SH3TC1: variants seen among roughly 807,000 people sequenced by gnomAD.
SH3TC1 encodes the protein SH3 domain and tetratricopeptide repeats 1.
A neutral mutation model predicts 117.3 loss-of-function variants in SH3TC1; 135 were observed. The observed-to-expected ratio is 1.15, with a 90% CI of 1.00 to 1.33. The LOEUF is 1.33. Ranked by LOEUF, SH3TC1 falls within the 40% of genes most tolerant of loss-of-function variation. The pLI, the probability that SH3TC1 is intolerant of heterozygous loss-of-function variation, is 0.00. For missense variants in SH3TC1, 2,092 were observed against 1,794.3 expected (o/e 1.17, Z -3.00); for synonymous variants, 898 against 816.9 (o/e 1.10, Z -1.69).
rs1352250606 is a variant in SH3TC1, at chr4:8,227,314, T to C, written c.1620T>C (p.Thr540=). The change falls in exon 12 of 18, where the codon ACT becomes ACC. Residue 540 remains threonine (T), a synonymous_variant. Transcript: ENST00000245105. ...FRSFSDEEEL[T]GRLAQARGAA... is the part of the protein sequence containing the mutation. ...GCTTCAGCGACGAGGAGGAGCTGAC[T>C]GGGCGCCTGGCACAGGCCCGGGGGG... The C allele has an allele frequency of 6.2e-7, 1 of 1,610,174 alleles. No individual in the cohort carries two copies. Among genetic ancestry groups the C allele is most frequent in the Non-Finnish European group, 8.5e-7 (1 of 1,179,024 alleles).
intron 4 of SH3TC1, chr4:8,213,141 G>T: frequency 2.7e-6 from 1 of 376,370 alleles, no homozygotes; most frequent in East Asian, 5.2e-5. Flanking sequence ...CTCTTTGATG[G>T]GGAGTTAAGG....
At chr4:8,235,807 TGTCCC>T (rs1399958332) in intron 15 of SH3TC1, 9 of 414,522 alleles carry the variant, frequency 2.2e-5, no homozygotes, top group Non-Finnish European at 3.4e-5. Context: ...TGGGAAGTCC[TGTCCC>T]CATCTTACAG....
rs1719477627 is a variant in SH3TC1, at chr4:8,218,098, C to G, written c.840-173C>G. 20 of 479,884 alleles carry G rather than the reference C, an allele frequency of 4.2e-5. No individual in the cohort carries two copies. The South Asian group carries it at 7.5e-4, about 18-fold the overall frequency. 29.7% of individuals were successfully genotyped at this position (479,884 alleles called of 1,614,324 possible). On this transcript the variant is annotated intron_variant, in intron 7 of 17. Coordinates refer to ENST00000245105, the MANE Select transcript of SH3TC1 (RefSeq NM_018986.5). Reference sequence around the variant, plus strand: ...GTGCCACACGCACGGGGCCTGAAGGCCACACACCTGGGCAGGCATGTGTGT... The same window carrying G: ...GTGCCACACGCACGGGGCCTGAAGGGCACACACCTGGGCAGGCATGTGTGT...
chr4:8,208,369 C>CTTTTTTTTTTTTTTT, intron 2 of SH3TC1, among the ~76,000 whole-genome samples: 1 of 140,732 alleles, frequency 7.1e-6, no homozygotes, highest in Non-Finnish European at 1.5e-5. Context: ...ACATTTCTTT[C>CTTTTTTTTTTTTTTT]TTTTTTTTTA....
chr4:8,185,282 G>A (rs1354008000), intron 1 of SH3TC1, among the ~76,000 whole-genome samples: 1 of 151,992 alleles, frequency 6.6e-6, no homozygotes, highest in Non-Finnish European at 1.5e-5. Context: ...GTTGTGGGGA[G>A]CCGAGATTGA....
intron 1 of SH3TC1, among the ~76,000 whole-genome samples, chr4:8,184,675 G>A (rs978471011): frequency 1.3e-5 from 2 of 152,136 alleles, no homozygotes; most frequent in Non-Finnish European, 2.9e-5. Flanking sequence ...CACTGTGGCC[G>A]GCTGGAAAGC....
chr4:8,233,265 T>G, intron 13 of SH3TC1, 98 bp from the exon 14 acceptor site: 2 of 1,497,514 alleles, frequency 1.3e-6, no homozygotes, highest in African/African-American at 1.4e-5. Flanking sequence ...CCGTTCCCAG[T>G]CCCATTCCAG....
At chr4:8,232,891 A>AT in intron 13 of SH3TC1, 2 of 1,215,844 alleles carry the variant, frequency 1.6e-6, no homozygotes, top group Non-Finnish European at 2.1e-6. Context: ...AGCAGCATCC[A>AT]TGTCACCTAG....
chr4:8,202,079 G>T (rs1409886951), intron 1 of SH3TC1, among the ~76,000 whole-genome samples: 2 of 152,212 alleles, frequency 1.3e-5, no homozygotes, highest in African/African-American at 4.8e-5. Context: ...GCCTCCATGT[G>T]CTTCCGGAGA....
intron 1 of SH3TC1, among the ~76,000 whole-genome samples, chr4:8,189,033 C>A (rs1717325991): frequency 6.6e-6 from 1 of 152,266 alleles, no homozygotes; most frequent in Non-Finnish European, 1.5e-5. Context: ...TTCCCTCCCA[C>A]CCAGCTGCCC....
At chr4:8,193,124 C>T (rs1348235254) in intron 1 of SH3TC1, among the ~76,000 whole-genome samples, 3 of 152,236 alleles carry the variant, frequency 2.0e-5, no homozygotes, top group Non-Finnish European at 4.4e-5. Flanking sequence ...TGATGGCTGG[C>T]AAAGCCAAAT....
rs58753240 is a variant in SH3TC1 at position 8,206,832 on chromosome 4, CGTGTGTGT to C, written c.172+1496_172+1503del. On this transcript the variant is annotated intron_variant, in intron 2 of 17. Transcript: ENST00000245105. This position sits in a 1 kb window ranked among gnomAD's most constrained non-coding sequence, Gnocchi z 5.5. The stretch of plus-strand genomic sequence containing the variant: ...AGGACTTTTACTTTGTGTGTGTACT[CGTGTGTGT>C]GTGTGTGTGTGTGTGTGTGTGTGTG... Among the ~76,000 whole-genome samples the C allele has an allele frequency of 1.5e-4, 21 of 144,666 alleles. No individual in the cohort carries two copies. The highest frequency in any genetic ancestry group is 2.0e-4 in the Non-Finnish European group (13 of 65,598). 94.9% of individuals were successfully genotyped at this position (144,666 alleles called of 152,430 possible).
chr4:8,189,960 G>A (rs372999635), intron 1 of SH3TC1, among the ~76,000 whole-genome samples: 3 of 152,350 alleles, frequency 2.0e-5, no homozygotes, highest in Admixed American at 6.5e-5. Context: ...AGGGAGCCGG[G>A]AAGGGACTGC....
chr4:8,208,809 C>A (rs142729937), intron 2 of SH3TC1, among the ~76,000 whole-genome samples: 1 of 152,226 alleles, frequency 6.6e-6, no homozygotes, highest in Admixed American at 6.5e-5. Flanking sequence ...GAACACCGTC[C>A]CAATGCAAGG....
At chr4:8,233,175 T>C (rs1316677678) in intron 13 of SH3TC1, 188 bp from the exon 14 acceptor site, 2 of 1,399,194 alleles carry the variant, frequency 1.4e-6, no homozygotes, top group Non-Finnish European at 1.8e-6. Context: ...AGGATGTCCT[T>C]CGTCTTTTCC....
intron 1 of SH3TC1, among the ~76,000 whole-genome samples, chr4:8,185,587 A>C (rs1025128405): frequency 6.6e-6 from 1 of 152,188 alleles, no homozygotes; most frequent in Non-Finnish European, 1.5e-5. Flanking sequence ...AATGGAGCAG[A>C]CACTCTGAAG....
rs753772918 is a variant in SH3TC1 at position 8,205,332 on chromosome 4, G to A, written c.138G>A (p.Ala46=). ...GGCCCTCTGTGAGCTGGGAGAAAGC[G>A]GGGCCCGAGGAGGCCAAGGCGCCAG... The part of the protein sequence containing the change: ...VMRPSVSWEK[A]GPEEAKAPVR... The change falls in exon 2 of 18, where the codon GCG becomes GCA. Residue 46 remains alanine (A), a synonymous_variant. Coordinates refer to ENST00000245105, the MANE Select transcript of SH3TC1 (RefSeq NM_018986.5). This position sits in a 1 kb window ranked among gnomAD's most constrained non-coding sequence, Gnocchi z 5.4. 2.0e-5 allele frequency: 31 copies of A among 1,549,632 alleles called. No homozygotes were observed. The Middle Eastern group carries it at 2.5e-3, about 123-fold the overall frequency.
chr4:8,210,455 G>C lies in SH3TC1; in HGVS notation c.247+633G>C, dbSNP rs1718563334. Among the ~76,000 whole-genome samples, 1 of 152,226 alleles carries C rather than the reference G, an allele frequency of 6.6e-6. No individual in the cohort carries two copies. The highest frequency in any genetic ancestry group is 2.1e-4 in the South Asian group (1 of 4,838). On this transcript the variant is annotated intron_variant, in intron 3 of 17. Coordinates refer to ENST00000245105, the MANE Select transcript of SH3TC1 (RefSeq NM_018986.5). This position sits in a 1 kb window ranked among gnomAD's most constrained non-coding sequence, Gnocchi z 4.1. ...CACTCGGGATGACCAGGACGCATTAGGCAATAGGACCGTTATTTAGAATTT... is the reference window on the plus strand; with the variant it reads ...CACTCGGGATGACCAGGACGCATTACGCAATAGGACCGTTATTTAGAATTT...
intron 1 of SH3TC1, among the ~76,000 whole-genome samples, chr4:8,200,839 G>A (rs114399815): frequency 0.019 from 2,861 of 152,274 alleles, 53 homozygotes; most frequent in African/African-American, 0.053. Context: ...TCCACTCTCC[G>A]CCCTGGTGGT....
Sources: allele counts gnomAD v4.1 joint callset (sites outside exome capture counted in the v4.1 genomes callset), GRCh38; gene constraint gnomAD v4.1.1; non-coding constraint Gnocchi (gnomAD v3.1); transcripts MANE v1.5; gene names NCBI Gene and HGNC (gene_info 2026-07-23, HGNC 2026-07-21).